HECW2: variants seen among roughly 807,000 people sequenced by gnomAD.
The protein encoded by HECW2 is HECT, C2 and WW domain containing E3 ubiquitin protein ligase 2.
In HECW2, 61 loss-of-function variants were observed where a neutral mutation model predicts 175.2. That is an observed-to-expected ratio of 0.35 (90% CI 0.28 to 0.43). The LOEUF is 0.43. Among genes scored for constraint, HECW2 ranks in the 20% least tolerant of loss-of-function variants. The pLI, the probability that HECW2 is intolerant of heterozygous loss-of-function variation, is 1.00. For missense variants in HECW2, 1,524 were observed against 2,000.5 expected (o/e 0.76, Z 4.54); for synonymous variants, 671 against 731.0 (o/e 0.92, Z 1.32).
chr2:196,398,119 T>C (rs1053476667), intron 2 of HECW2, among the ~76,000 whole-genome samples: 21 of 80,638 alleles, frequency 2.6e-4, no homozygotes, highest in African/African-American at 1.1e-3. Flanking sequence ...GATGGGTTTG[T>C]GGGTGGGTGG....
chr2:196,375,531 C>G (rs1559074866), intron 2 of HECW2, among the ~76,000 whole-genome samples: 2 of 152,192 alleles, frequency 1.3e-5, no homozygotes, highest in Admixed American at 1.3e-4. Context: ...TTTAATTTCA[C>G]AGCTTGTTAC....
intron 19 of HECW2, among the ~76,000 whole-genome samples, chr2:196,250,503 T>C (rs898328521): frequency 6.6e-6 from 1 of 152,190 alleles, no homozygotes; most frequent in African/African-American, 2.4e-5. Flanking sequence ...CTCTATTTTA[T>C]AGAAAAAGAG....
rs548549633 is a variant in HECW2 at position 196,299,889 on chromosome 2, A to C, written c.2814+6599T>G. 3.2e-4 allele frequency among the ~76,000 whole-genome samples: 48 copies of C among 151,962 alleles called. No homozygotes were observed. The Middle Eastern group carries it at 0.01, about 32-fold the overall frequency. On this transcript the variant is annotated intron_variant, in intron 13 of 28. Transcript: ENST00000644978. ...GCTTGCAGTGAGCCGAGATGGCGCCACTGCACTCCAGCCTGGGCGACAGAG... is the reference window on the plus strand; with the variant it reads ...GCTTGCAGTGAGCCGAGATGGCGCCCCTGCACTCCAGCCTGGGCGACAGAG...
At chr2:196,250,449 T>C in intron 19 of HECW2, among the ~76,000 whole-genome samples, 1 of 152,140 alleles carries the variant, frequency 6.6e-6, no homozygotes, top group East Asian at 1.9e-4. Context: ...CCAAGCAAAG[T>C]GTTCTCCAAA....
chr2:196,477,457 T>C (rs574421068), intron 1 of HECW2, among the ~76,000 whole-genome samples: 13 of 152,340 alleles, frequency 8.5e-5, no homozygotes, highest in African/African-American at 2.6e-4. Context: ...AGCTTTCAAG[T>C]GTTTCAGAAG....
At chr2:196,342,305 G>A (rs977549936) in intron 3 of HECW2, among the ~76,000 whole-genome samples, 11 of 151,774 alleles carry the variant, frequency 7.2e-5, no homozygotes, top group East Asian at 1.9e-4. Context: ...TCTGGAGGCT[G>A]AGGGAGGAGA....
chr2:196,220,553 A>G (rs1687628983), intron 25 of HECW2, among the ~76,000 whole-genome samples: 1 of 152,224 alleles, frequency 6.6e-6, no homozygotes, highest in Non-Finnish European at 1.5e-5. Flanking sequence ...ACTAGTGGTC[A>G]TTAAATCAAC....
chr2:196,297,084 G>T (rs999275983), intron 13 of HECW2, among the ~76,000 whole-genome samples: 1 of 152,194 alleles, frequency 6.6e-6, no homozygotes, highest in Non-Finnish European at 1.5e-5. Context: ...TCATGATAAT[G>T]AACAGAATTC....
intron 2 of HECW2, among the ~76,000 whole-genome samples, chr2:196,383,649 C>A (rs929369547): frequency 6.6e-6 from 1 of 152,146 alleles, no homozygotes; most frequent in African/African-American, 2.4e-5. Context: ...CCCACTTCAC[C>A]CAGTTGGCAA....
intron 10 of HECW2, among the ~76,000 whole-genome samples, chr2:196,311,332 TCA>T (rs1448699541): frequency 2.6e-5 from 4 of 152,174 alleles, no homozygotes; most frequent in Non-Finnish European, 5.9e-5. Context: ...AAGCTAGGGC[TCA>T]GTTATCTACA....
chr2:196,423,844 C>G (rs1456032954), intron 2 of HECW2, among the ~76,000 whole-genome samples: 3 of 151,954 alleles, frequency 2.0e-5, no homozygotes, highest in African/African-American at 7.3e-5. Flanking sequence ...GACTTCATTT[C>G]CTTTGGATAT....
intron 28 of HECW2, among the ~76,000 whole-genome samples, chr2:196,211,889 C>G (rs1687300756): frequency 6.6e-6 from 1 of 152,168 alleles, no homozygotes; most frequent in African/African-American, 2.4e-5. Flanking sequence ...GTCGCCCAGG[C>G]TGGAGTGCAG....
chr2:196,377,577 C>A (rs967782553), intron 2 of HECW2, among the ~76,000 whole-genome samples: 2 of 152,190 alleles, frequency 1.3e-5, no homozygotes, highest in Admixed American at 6.5e-5. Context: ...ATGGGAAAGA[C>A]CCACCTCCAC....
intron 1 of HECW2, among the ~76,000 whole-genome samples, chr2:196,537,837 G>A (rs1689071984): frequency 6.6e-6 from 1 of 152,160 alleles, no homozygotes; most frequent in African/African-American, 2.4e-5. Flanking sequence ...TATAGCAATT[G>A]AGAAAATTAA....
chr2:196,354,321 A>G (rs1292893260), intron 2 of HECW2, among the ~76,000 whole-genome samples: 1 of 152,224 alleles, frequency 6.6e-6, no homozygotes, highest in Non-Finnish European at 1.5e-5. Context: ...TGGCTGGTCC[A>G]GCCACAAGCT....
intron 2 of HECW2, among the ~76,000 whole-genome samples, chr2:196,347,058 A>T (rs964909808): frequency 2.2e-3 from 329 of 148,762 alleles, no homozygotes; most frequent in Admixed American, 4.3e-3. Context: ...TTATTTATTT[A>T]TTTATTTTTT....
At chr2:196,489,743 C>G (rs1687123151) in intron 1 of HECW2, among the ~76,000 whole-genome samples, 1 of 152,132 alleles carries the variant, frequency 6.6e-6, no homozygotes, top group Non-Finnish European at 1.5e-5. Context: ...GGCAGCAGCA[C>G]AGCAAAAGGT....
intron 28 of HECW2, among the ~76,000 whole-genome samples, chr2:196,205,278 AG>A (rs1365288298): frequency 6.6e-6 from 1 of 152,234 alleles, no homozygotes; most frequent in Non-Finnish European, 1.5e-5. Flanking sequence ...AATCAAGAAA[AG>A]GACCTCAGTT....
chr2:196,557,817 A>G (rs1245932278), intron 1 of HECW2, among the ~76,000 whole-genome samples: 5 of 152,176 alleles, frequency 3.3e-5, no homozygotes, highest in Admixed American at 6.5e-5. Context: ...AAGATGTACT[A>G]AAATGTCAGT....
Sources: allele counts gnomAD v4.1 joint callset (sites outside exome capture counted in the v4.1 genomes callset), GRCh38; gene constraint gnomAD v4.1.1; transcripts MANE v1.5; gene names NCBI Gene and HGNC (gene_info 2026-07-23, HGNC 2026-07-21).